The following NKAIN2 variants were observed in gnomAD, a reference collection of about 807,000 sequenced individuals.
The protein encoded by NKAIN2 is sodium/potassium transporting ATPase interacting 2.
NKAIN2 carries 14 observed loss-of-function variants against 32.6 expected under a neutral mutation model. The observed-to-expected ratio is 0.43, with a 90% CI of 0.28 to 0.67. The LOEUF is 0.67. Ranked by LOEUF, NKAIN2 falls within the 30% of genes least tolerant of loss-of-function variation. The pLI is 0.17. For synonymous variants in NKAIN2, 80 were observed against 87.2 expected (o/e 0.92, Z 0.46); for missense variants, 198 against 258.3 (o/e 0.77, Z 1.60).
intron 4 of NKAIN2, chr6:124,658,652 G>A (rs183010719): frequency 2.1e-5 from 16 of 767,222 alleles, no homozygotes; most frequent in South Asian, 7.1e-5. Context: ...ATGTGATTAC[G>A]TGACTTTTGG....
At chr6:124,417,277 T>C (rs1213753668) in intron 3 of NKAIN2, among the ~76,000 whole-genome samples, 3 of 152,002 alleles carry the variant, frequency 2.0e-5, no homozygotes, top group African/African-American at 7.3e-5. Flanking sequence ...AACAAAGATA[T>C]AGAATATAGA....
intron 1 of NKAIN2, among the ~76,000 whole-genome samples, chr6:124,064,342 T>C (rs564295697): frequency 6.6e-5 from 10 of 152,324 alleles, no homozygotes; most frequent in Non-Finnish European, 1.5e-4. Flanking sequence ...GCTAAAAAAA[T>C]GTGAAATTTT....
At chr6:124,111,076 G>A (rs4896076) in intron 1 of NKAIN2, among the ~76,000 whole-genome samples, 97,769 of 151,728 alleles carry the variant, frequency 0.64, 31,635 homozygotes, top group East Asian at 0.74. Flanking sequence ...CATTTATTCT[G>A]GATTATGTAA....
chr6:124,582,158 A>G (rs1411743905), intron 3 of NKAIN2, among the ~76,000 whole-genome samples: 3 of 152,136 alleles, frequency 2.0e-5, no homozygotes, highest in Admixed American at 2.0e-4. Context: ...ATACAAATAA[A>G]TAAAACCAGA....
intron 3 of NKAIN2, among the ~76,000 whole-genome samples, chr6:124,482,936 C>A (rs1318448951): frequency 1.3e-5 from 2 of 152,090 alleles, no homozygotes; most frequent in African/African-American, 4.8e-5. Flanking sequence ...AGATTGAGAC[C>A]ACGGTGAAAC....
At chr6:124,154,141 TAAAC>T (rs1177095025) in intron 1 of NKAIN2, among the ~76,000 whole-genome samples, 4 of 151,878 alleles carry the variant, frequency 2.6e-5, no homozygotes, top group Admixed American at 2.0e-4. Flanking sequence ...TTTCAAATGT[TAAAC>T]AAATTTTACA....
Position 124,013,905 on chromosome 6 carries a change from A to C in NKAIN2, c.54+209651A>C, listed in dbSNP as rs182591046. The stretch of plus-strand genomic sequence containing the variant: ...TTTTGGAAGCAGGAAAAAATAAGGA[A>C]ATGGATTCTTCCATAGAATCTCCAG... On this transcript the variant is annotated intron_variant, in intron 1 of 6. Coordinates refer to ENST00000368417, the MANE Select transcript of NKAIN2 (RefSeq NM_001040214.3). 3.9e-5 allele frequency among the ~76,000 whole-genome samples: 6 copies of C among 152,262 alleles called. No homozygotes were observed. In the East Asian group the frequency reaches 1.2e-3, roughly 29 times the overall value.
chr6:124,010,855 T>C (rs765951770), intron 1 of NKAIN2, among the ~76,000 whole-genome samples: 1 of 152,120 alleles, frequency 6.6e-6, no homozygotes, highest in Non-Finnish European at 1.5e-5. Flanking sequence ...AAAAGGAAAA[T>C]GGCAAGGACT....
chr6:124,632,472 G>T (rs1783608542), intron 3 of NKAIN2, among the ~76,000 whole-genome samples: 1 of 152,032 alleles, frequency 6.6e-6, no homozygotes, highest in Non-Finnish European at 1.5e-5. Context: ...TGAATTGTTT[G>T]TTTCTTTCCC....
At chr6:123,984,581 C>T (rs1402174759) in intron 1 of NKAIN2, among the ~76,000 whole-genome samples, 1 of 152,116 alleles carries the variant, frequency 6.6e-6, no homozygotes, top group African/African-American at 2.4e-5. Flanking sequence ...TCTGAAACTG[C>T]CTCCTACATA....
chr6:124,003,360 G>C (rs1779951663), intron 1 of NKAIN2, among the ~76,000 whole-genome samples: 1 of 151,986 alleles, frequency 6.6e-6, no homozygotes, highest in Admixed American at 6.6e-5. Context: ...TCTTTCCATG[G>C]CTATATATGC....
intron 3 of NKAIN2, among the ~76,000 whole-genome samples, chr6:124,472,718 TAAAA>T (rs5879739): frequency 3.4e-5 from 5 of 148,930 alleles, no homozygotes; most frequent in Admixed American, 2.0e-4. Flanking sequence ...AGTAGGCAGA[TAAAA>T]AAAAAAAAGA....
At chr6:124,291,437 GA>G (rs1307968476) in intron 2 of NKAIN2, among the ~76,000 whole-genome samples, 2 of 151,992 alleles carry the variant, frequency 1.3e-5, no homozygotes, top group African/African-American at 4.8e-5. Flanking sequence ...TGAATGAAAA[GA>G]GTAGCCTCAA....
At chr6:124,283,614 G>T (rs1455874060) in intron 2 of NKAIN2, among the ~76,000 whole-genome samples, 1 of 152,188 alleles carries the variant, frequency 6.6e-6, no homozygotes, top group African/African-American at 2.4e-5. Context: ...AATCTGGACA[G>T]TTGCCTCTGT....
intron 1 of NKAIN2, among the ~76,000 whole-genome samples, chr6:124,246,520 T>C (rs923049772): frequency 6.6e-6 from 1 of 152,096 alleles, no homozygotes; most frequent in Admixed American, 6.6e-5. Flanking sequence ...ATCTGTGTTT[T>C]ATGGTCTGGT....
intron 1 of NKAIN2, among the ~76,000 whole-genome samples, chr6:124,217,171 G>A (rs1328137252): frequency 6.6e-6 from 1 of 152,098 alleles, no homozygotes; most frequent in Non-Finnish European, 1.5e-5. Flanking sequence ...AGTTAAATAA[G>A]TAGGAAAAAC....
At chr6:124,791,889 T>C (rs1202914299) in intron 5 of NKAIN2, among the ~76,000 whole-genome samples, 1 of 152,186 alleles carries the variant, frequency 6.6e-6, no homozygotes, top group Non-Finnish European at 1.5e-5. Context: ...AATGTCCATC[T>C]GTCCTTTTTG....
chr6:123,967,668 C>A (rs112928943), intron 1 of NKAIN2, among the ~76,000 whole-genome samples: 1 of 151,782 alleles, frequency 6.6e-6, no homozygotes, highest in Non-Finnish European at 1.5e-5. Flanking sequence ...TGTGAACTGA[C>A]ACATTATGTG....
chr6:123,826,274 C>T (rs12200216), intron 1 of NKAIN2, among the ~76,000 whole-genome samples: 22,639 of 152,046 alleles, frequency 0.15, 3,930 homozygotes, highest in African/African-American at 0.42. Flanking sequence ...GTTTCCAAAA[C>T]GCCATGGGTT....
Sources: gnomAD v4.1 joint callset for allele counts (sites outside exome capture counted in the v4.1 genomes callset) on GRCh38, gnomAD v4.1.1 for gene constraint, MANE v1.5 for transcripts, NCBI Gene and HGNC (gene_info 2026-07-23, HGNC 2026-07-21) for gene names.